Variants in AATF observed in about 807,000 individuals in gnomAD.
The protein encoded by AATF is apoptosis antagonizing transcription factor.
In AATF, 48 loss-of-function variants were observed where a neutral mutation model predicts 63.7. That is an observed-to-expected ratio of 0.75 (90% CI 0.60 to 0.96). The LOEUF (loss-of-function observed/expected upper bound fraction) is 0.96, where lower values mean the gene tolerates loss of function less well. Among genes scored for constraint, AATF ranks in the 40% least tolerant of loss-of-function variants. The probability of loss-of-function intolerance (pLI) is 0.00; values close to 1 mark genes in which losing one functional copy is unlikely to be tolerated. For synonymous variants in AATF, 258 were observed against 247.7 expected (o/e 1.04, Z -0.39); for missense variants, 639 against 685.7 (o/e 0.93, Z 0.76).
At chr17:37,036,407 G>C (rs2071592603) in intron 11 of AATF, among the ~76,000 whole-genome samples, 1 of 152,092 alleles carries the variant, frequency 6.6e-6, no homozygotes, top group South Asian at 2.1e-4. Flanking sequence ...GGGAGAGAGA[G>C]AGATCTTTAA....
intron 11 of AATF, chr17:37,043,358 C>T (rs1333464421): frequency 2.0e-5 from 3 of 152,272 alleles, no homozygotes; most frequent in Non-Finnish European, 4.4e-5. Flanking sequence ...GCATCTCCCA[C>T]CCCCGTCTCA....
At position 36,950,375 on chromosome 17, in the gene AATF, C is replaced by T. The variant is rs139450534; in HGVS notation, c.253C>T (p.His85Tyr). The T allele has an allele frequency of 6.2e-7, 1 of 1,614,032 alleles. No individual in the cohort carries two copies. The highest frequency in any genetic ancestry group is 1.3e-5 in the African/African-American group (1 of 74,908). The change falls in exon 2 of 12, where the codon CAT becomes TAT. Residue 85 changes from histidine to tyrosine, a missense_variant. By Grantham distance (83) the His-to-Tyr change is moderately conservative. Transcript: ENST00000619387. ...CTCTAGAAAAGCATGGAATGAAGAC[C>T]ATTGGGAGCAGACTCTGCCAGGATC... ...TTSRKAWNED[H>Y]WEQTLPGSSD...
chr17:37,052,033 C>T (rs529462563), intron 11 of AATF, among the ~76,000 whole-genome samples: 1 of 152,244 alleles, frequency 6.6e-6, no homozygotes, highest in Admixed American at 6.5e-5. Context: ...CTGTTAATTA[C>T]TCCGCAGGCT....
intron 4 of AATF, among the ~76,000 whole-genome samples, chr17:36,979,784 G>A (rs948344553): frequency 9.9e-5 from 15 of 152,126 alleles, no homozygotes; most frequent in African/African-American, 3.4e-4. Flanking sequence ...TGAACTGTGT[G>A]TCCATGCCCA....
intron 4 of AATF, among the ~76,000 whole-genome samples, chr17:36,962,922 G>A (rs2070959881): frequency 6.6e-6 from 1 of 152,146 alleles, no homozygotes; most frequent in Non-Finnish European, 1.5e-5. Flanking sequence ...AGGTGTTCGA[G>A]ACCAGTTCAA....
At chr17:36,954,812 A>G (rs1446364303) in intron 4 of AATF, among the ~76,000 whole-genome samples, 2 of 152,180 alleles carry the variant, frequency 1.3e-5, no homozygotes, top group African/African-American at 4.8e-5. Flanking sequence ...TTCCCTCTGC[A>G]CCACACTGCC....
At chr17:37,034,753 A>G (rs1238243045) in intron 11 of AATF, 1 of 152,226 alleles carries the variant, frequency 6.6e-6, no homozygotes, top group Non-Finnish European at 1.5e-5. Context: ...TTTTTCTACT[A>G]TGTAAAGAGT....
At chr17:37,035,541 C>CTT (rs767344407) in intron 11 of AATF, among the ~76,000 whole-genome samples, 65 of 143,102 alleles carry the variant, frequency 4.5e-4, no homozygotes, top group Non-Finnish European at 6.1e-4. Flanking sequence ...GTGTTTCCAA[C>CTT]TTTTTTTTTT....
chr17:37,038,616 AT>A (rs1186845739), intron 11 of AATF, among the ~76,000 whole-genome samples: 4 of 152,146 alleles, frequency 2.6e-5, no homozygotes, highest in African/African-American at 4.8e-5. Context: ...TTCTAAATAG[AT>A]TTCCCCCCCT....
rs774218297 is a variant in AATF at position 36,950,330 on chromosome 17, A to G, written c.208A>G (p.Arg70Gly). 6.2e-7 allele frequency: 1 copy of G among 1,614,038 alleles called. No individual in the cohort carries two copies. The highest frequency in any genetic ancestry group is 1.1e-5 in the South Asian group (1 of 91,094). The change falls in exon 2 of 12, where the codon AGG (arginine) becomes GGG (glycine). Residue 70 changes from arginine (R) to glycine (G), a missense_variant. Physicochemically the swap from Arg to Gly is moderately radical, Grantham distance 125. Coordinates refer to ENST00000619387, the MANE Select transcript of AATF (RefSeq NM_012138.4). ...AGCCTCCCTCTTGGACACGGACAAA[A>G]GGTATTGCGGCAAAACCACCTCTAG... ...ASASLLDTDK[R>G]YCGKTTSRKA...
In AATF at chr17:36,949,152, G is replaced by T. The variant is rs775629735; in HGVS notation, c.27G>T (p.Leu9=). The change falls in exon 1 of 12, where the codon CTG becomes CTT. Residue 9 remains leucine (L), a synonymous_variant. Transcript: ENST00000619387. MAGPQPLA[L]QLEQLLNPRP... ...TGGCGGGGCCGCAGCCCCTGGCGCT[G>T]CAACTGGAACAGTTGTTGAACCCGC... is the stretch of plus-strand genomic sequence containing the variant. The T allele has an allele frequency of 1.3e-6, 2 of 1,587,834 alleles. No individual in the cohort carries two copies. The highest frequency in any genetic ancestry group is 1.2e-5 in the South Asian group (1 of 86,744).
At chr17:37,001,825 T>G (rs1418575019) in intron 8 of AATF, among the ~76,000 whole-genome samples, 1 of 152,130 alleles carries the variant, frequency 6.6e-6, no homozygotes, top group Non-Finnish European at 1.5e-5. Context: ...GCCAGGGCAG[T>G]TAGGCAAGAA....
At chr17:36,967,901 T>C (rs1438594518) in intron 4 of AATF, among the ~76,000 whole-genome samples, 1 of 151,610 alleles carries the variant, frequency 6.6e-6, no homozygotes, top group African/African-American at 2.4e-5. Context: ...TGCAGACTTT[T>C]CTTTGTCCAC....
Position 37,019,030 on chromosome 17 carries a change from A to C in AATF, c.1424A>C (p.Lys475Thr), listed in dbSNP as rs1423832911. 6.2e-7 allele frequency: 1 copy of C among 1,614,042 alleles called. No individual in the cohort carries two copies. Among genetic ancestry groups the C allele is most frequent in the African/African-American group, 1.3e-5 (1 of 74,932 alleles). ...CTCCTTCGAGAACTCATAGAACGGA[A>C]GACCAGCTCCTTGGATCCCAACGAT... is the stretch of plus-strand genomic sequence containing the variant. ...HQLLRELIER[K>T]TSSLDPNDQV... The change falls in exon 9 of 12, where the codon AAG becomes ACG. Residue 475 changes from lysine to threonine, a missense_variant. Physicochemically the swap from Lys to Thr is moderately conservative, Grantham distance 78. Coordinates refer to ENST00000619387, the MANE Select transcript of AATF (RefSeq NM_012138.4).
At chr17:37,050,983 C>T (rs893643586) in intron 11 of AATF, among the ~76,000 whole-genome samples, 2 of 152,202 alleles carry the variant, frequency 1.3e-5, no homozygotes, top group Non-Finnish European at 2.9e-5. Context: ...CTGTGTTGCT[C>T]AGGCTGGTCT....
At chr17:37,003,632 G>C (rs1344073587) in intron 8 of AATF, among the ~76,000 whole-genome samples, 1 of 151,310 alleles carries the variant, frequency 6.6e-6, no homozygotes, top group Non-Finnish European at 1.5e-5. Flanking sequence ...ACACCCGGCT[G>C]GTTTTTGTAT....
rs71368437 is a variant in AATF at position 37,014,267 on chromosome 17, GTAATAATAATAA to G, written c.1399-4713_1399-4702del. ...TGGGTGACAGAGCAAGACTGTCTTA[GTAATAATAATAA>G]TAATAATAATAATAATAATAATAAG... On this transcript the variant is annotated intron_variant, in intron 8 of 11. Coordinates refer to ENST00000619387, the MANE Select transcript of AATF (RefSeq NM_012138.4). Among the ~76,000 whole-genome samples, 251 of 145,074 alleles carry G rather than the reference GTAATAATAATAA, an allele frequency of 1.7e-3. 3 individuals are homozygous for G. Among genetic ancestry groups the G allele is most frequent in the African/African-American group, 6.0e-3 (231 of 38,632 alleles).
intron 11 of AATF, among the ~76,000 whole-genome samples, chr17:37,053,111 AC>A (rs2071767177): frequency 6.6e-6 from 1 of 152,184 alleles, no homozygotes; most frequent in African/African-American, 2.4e-5. Flanking sequence ...TCTACAAAAA[AC>A]AAAAAAATAG....
At chr17:36,961,105 C>T (rs2070943808) in intron 4 of AATF, among the ~76,000 whole-genome samples, 1 of 152,132 alleles carries the variant, frequency 6.6e-6, no homozygotes, top group Non-Finnish European at 1.5e-5. Context: ...TATTTTCAAG[C>T]TTATTTTTCC....
Sources: allele counts gnomAD v4.1 joint callset (sites outside exome capture counted in the v4.1 genomes callset), GRCh38; gene constraint gnomAD v4.1.1; transcripts MANE v1.5; gene names NCBI Gene and HGNC (gene_info 2026-07-23, HGNC 2026-07-21).